Variants in STAC observed in about 807,000 individuals in gnomAD.
The protein encoded by STAC is SH3 and cysteine-rich domain-containing protein.
A neutral mutation model predicts 48.8 loss-of-function variants in STAC; 43 were observed. That is an observed-to-expected ratio of 0.88 (90% CI 0.69 to 1.14). The LOEUF (loss-of-function observed/expected upper bound fraction) is 1.14. Among genes scored for constraint, STAC ranks in the 50% most tolerant of loss-of-function variants. The pLI is 0.00. For synonymous variants in STAC, 193 were observed against 179.5 expected (o/e 1.07, Z -0.60); for missense variants, 497 against 504.0 (o/e 0.99, Z 0.13).
At chr3:36,493,307 C>G (rs576676699) in intron 6 of STAC, 78 bp downstream of exon 6, 1 of 1,356,560 alleles carries the variant, frequency 7.4e-7, no homozygotes, top group African/African-American at 1.4e-5. Flanking sequence ...GATTTCCAGT[C>G]CCCTTGCTTT....
In STAC at chr3:36,490,139, CCT is replaced by C. The variant is rs202196514; in HGVS notation, c.688-3007_688-3006del. Among the ~76,000 whole-genome samples the C allele has an allele frequency of 6.2e-3, 951 of 152,290 alleles. 13 individuals carry two copies. The highest frequency in any genetic ancestry group is 0.022 in the African/African-American group (901 of 41,568). On this transcript the variant is annotated intron_variant, in intron 5 of 10. Transcript: ENST00000273183. ...CTCCTCTTCACCTTTGCTCTTACTC[CCT>C]CTCTGTGTGAACAGCATTTGAGTGA...
intron 3 of STAC, among the ~76,000 whole-genome samples, chr3:36,484,182 G>T (rs1478816554): frequency 4.6e-5 from 7 of 152,144 alleles, no homozygotes; most frequent in Non-Finnish European, 1.0e-4. Flanking sequence ...AACAATAAAA[G>T]ATAATGTCTT....
chr3:36,497,394 G>A (rs1698175935), intron 6 of STAC, among the ~76,000 whole-genome samples: 1 of 152,114 alleles, frequency 6.6e-6, no homozygotes, highest in Non-Finnish European at 1.5e-5. Context: ...GCATGGCTGA[G>A]CTGGCAGCAA....
chr3:36,503,955 AG>A (rs1187080419), intron 6 of STAC, among the ~76,000 whole-genome samples: 1 of 152,214 alleles, frequency 6.6e-6, no homozygotes, highest in African/African-American at 2.4e-5. Flanking sequence ...ACTACAATCA[AG>A]ATACCGAATA....
At chr3:36,517,801 G>A (rs1200527050) in intron 8 of STAC, among the ~76,000 whole-genome samples, 4 of 151,834 alleles carry the variant, frequency 2.6e-5, no homozygotes, top group Admixed American at 2.6e-4. Flanking sequence ...TGGCCAAGTG[G>A]GTGTGTACAT....
At chr3:36,400,336 G>A (rs1699976216) in intron 1 of STAC, among the ~76,000 whole-genome samples, 1 of 152,162 alleles carries the variant, frequency 6.6e-6, no homozygotes, top group African/African-American at 2.4e-5. Context: ...AACTATTCGA[G>A]AGCCTTAATG....
At chr3:36,480,880 A>G (rs1369845092) in intron 2 of STAC, among the ~76,000 whole-genome samples, 2 of 152,232 alleles carry the variant, frequency 1.3e-5, no homozygotes, top group African/African-American at 4.8e-5. Context: ...AGGCAAATTA[A>G]CAGACACAGT....
At chr3:36,398,371 AGAAAGAGAG>A (rs1699911519) in intron 1 of STAC, among the ~76,000 whole-genome samples, 1 of 131,298 alleles carries the variant, frequency 7.6e-6, no homozygotes, top group Non-Finnish European at 1.7e-5. Context: ...AAGAAAGAAA[AGAAAGAGAG>A]AAAGAAAGAA....
In STAC at chr3:36,433,383, A is replaced by AC. The variant is rs199788722; in HGVS notation, c.112-9979dup. Among the ~76,000 whole-genome samples, 5 of 152,294 alleles carry AC rather than the reference A, an allele frequency of 3.3e-5. No individual in the cohort carries two copies. In the East Asian group the frequency reaches 9.7e-4, roughly 29 times the overall value. On this transcript the variant is annotated intron_variant, in intron 1 of 10. Coordinates refer to ENST00000273183, the MANE Select transcript of STAC (RefSeq NM_003149.3). ...AGGATCCCATTTCCCACAGTAAGGA[A>AC]CCTGGTATAACCTAGAACTGAGGGA... is the stretch of plus-strand genomic sequence containing the variant.
At chr3:36,533,923 CG>C (rs977932886) in intron 10 of STAC, among the ~76,000 whole-genome samples, 2 of 151,870 alleles carry the variant, frequency 1.3e-5, no homozygotes, top group East Asian at 3.9e-4. Flanking sequence ...TTGCATGTCA[CG>C]GGGGTTTGGT....
chr3:36,540,897 T>A (rs1429616165), intron 10 of STAC, among the ~76,000 whole-genome samples: 2 of 152,146 alleles, frequency 1.3e-5, no homozygotes, highest in East Asian at 3.9e-4. Flanking sequence ...GTTACAACAG[T>A]AATAGCAAAT....
At chr3:36,444,244 CT>C (rs1347078757) in intron 2 of STAC, among the ~76,000 whole-genome samples, 1 of 152,188 alleles carries the variant, frequency 6.6e-6, no homozygotes, top group Admixed American at 6.5e-5. Context: ...TCATTTTCTT[CT>C]TTTAAATGGC....
rs372092346 is a variant in STAC, at chr3:36,528,949, T to A, written c.1074T>A (p.Cys358Ter). 1.2e-6 allele frequency: 2 copies of A among 1,613,154 alleles called. No individual in the cohort carries two copies. The highest frequency in any genetic ancestry group is 1.7e-6 in the Non-Finnish European group (2 of 1,179,452). ...GATGTGTTAGAACCTTCATTGGGTG[T>A]AAGGAACAGGGGCAGATAACACTGA... The part of the protein sequence containing the change: ...IFRCVRTFIG[C>*]KEQGQITLKE... Residue 358 changes from cysteine to a stop codon, truncating the protein, a stop_gained, in exon 10 of 11, where the codon TGT (cysteine) becomes TGA (stop). Transcript: ENST00000273183. LOFTEE classifies it high-confidence loss of function.
intron 8 of STAC, among the ~76,000 whole-genome samples, chr3:36,516,841 C>T (rs1698685505): frequency 6.6e-6 from 1 of 152,136 alleles, no homozygotes; most frequent in Non-Finnish European, 1.5e-5. Flanking sequence ...AAAGTGAGGT[C>T]ACAGTAGATT....
intron 10 of STAC, among the ~76,000 whole-genome samples, chr3:36,544,641 T>TTATG (rs1559532836): frequency 6.6e-6 from 1 of 152,166 alleles, no homozygotes; most frequent in Admixed American, 6.5e-5. Context: ...ATTTATTTAT[T>TTATG]TTATACTCTA....
chr3:36,465,634 T>C (rs1054400854), intron 2 of STAC, among the ~76,000 whole-genome samples: 1 of 152,108 alleles, frequency 6.6e-6, no homozygotes, highest in Non-Finnish European at 1.5e-5. Flanking sequence ...TAAAGGGGAA[T>C]TTATTAAATA....
chr3:36,426,505 G>A (rs564619896), intron 1 of STAC, among the ~76,000 whole-genome samples: 48 of 152,250 alleles, frequency 3.2e-4, no homozygotes, highest in African/African-American at 1.1e-3. Context: ...AAAAGTCAAG[G>A]ATTATACACA....
intron 2 of STAC, among the ~76,000 whole-genome samples, chr3:36,460,378 T>G (rs1696975438): frequency 6.6e-6 from 1 of 152,204 alleles, no homozygotes. Flanking sequence ...ACGACAAATT[T>G]TTTTAATAGG....
At chr3:36,459,097 G>A (rs926740303) in intron 2 of STAC, 1 of 152,214 alleles carries the variant, frequency 6.6e-6, no homozygotes, top group Non-Finnish European at 1.5e-5. Flanking sequence ...GTACTGGGGA[G>A]AGAGAAAAGG....
Sources: gnomAD v4.1 joint callset for allele counts (sites outside exome capture counted in the v4.1 genomes callset) on GRCh38, gnomAD v4.1.1 for gene constraint, MANE v1.5 for transcripts, NCBI Gene and HGNC (gene_info 2026-07-23, HGNC 2026-07-21) for gene names.